Variants in LEF1 observed in about 807,000 individuals in gnomAD.
The protein encoded by LEF1 is lymphoid enhancer-binding factor 1.
In LEF1, 14 loss-of-function variants were observed where a neutral mutation model predicts 51.2. The ratio of observed to expected loss-of-function variants is 0.27; its 90% CI spans 0.18 to 0.43. The LOEUF is 0.43. Among genes scored for constraint, LEF1 ranks in the 20% least tolerant of loss-of-function variants. LEF1 has a pLI of 1.00. For synonymous variants in LEF1, 185 were observed against 183.2 expected (o/e 1.01, Z -0.08); for missense variants, 386 against 512.0 (o/e 0.75, Z 2.37).
chr4:108,096,562 C>T (rs958279089), intron 3 of LEF1, among the ~76,000 whole-genome samples: 2 of 152,156 alleles, frequency 1.3e-5, no homozygotes, highest in African/African-American at 4.8e-5. Context: ...TTTAAAGCTG[C>T]TGCCTTACCA....
At chr4:108,112,023 T>A (rs1244209368) in intron 3 of LEF1, among the ~76,000 whole-genome samples, 1 of 152,196 alleles carries the variant, frequency 6.6e-6, no homozygotes, top group Non-Finnish European at 1.5e-5. Context: ...CCTGCCCTAA[T>A]TCCCCTACAA....
At chr4:108,075,107 G>A (rs1738759565) in intron 8 of LEF1, among the ~76,000 whole-genome samples, 2 of 152,136 alleles carry the variant, frequency 1.3e-5, no homozygotes, top group Admixed American at 6.5e-5. Flanking sequence ...TCTGGCTTGG[G>A]AAAGCATTGT....
Position 108,063,614 on chromosome 4 carries a change from C to T in LEF1, c.*6+9G>A, listed in dbSNP as rs375030469. On this transcript the variant is annotated intron_variant, in intron 11 of 11. Transcript: ENST00000265165. ...AACGTCAGCAGTAGGACCAGAGAGT[C>T]GTTCTTACCATGTTTCAGATGTAGG... 6.7e-5 allele frequency: 106 copies of T among 1,590,240 alleles called. No individual in the cohort carries two copies. The Middle Eastern group carries it at 1.2e-3, about 17-fold the overall frequency.
intron 3 of LEF1, among the ~76,000 whole-genome samples, chr4:108,133,013 G>A (rs1293856077): frequency 2.7e-5 from 4 of 150,902 alleles, no homozygotes; most frequent in South Asian, 4.2e-4. Context: ...TCGCTCTGTC[G>A]CCCAGGCTGG....
intron 3 of LEF1, among the ~76,000 whole-genome samples, chr4:108,098,592 G>C (rs1039640895): frequency 2.0e-5 from 3 of 152,230 alleles, no homozygotes; most frequent in Non-Finnish European, 4.4e-5. Flanking sequence ...AGGTGTGAAG[G>C]ATTTACAGGA....
At position 108,081,573 on chromosome 4, in the gene LEF1, C is replaced by T; in HGVS notation, c.722+13G>A. ...ACTTGTCCTCGAGCGCCCCAGTTTC[C>T]ACCTCCACCTACCTGGACATGGAAG... is the stretch of plus-strand genomic sequence containing the variant. On this transcript the variant is annotated intron_variant, in intron 6 of 11. Coordinates refer to ENST00000265165, the MANE Select transcript of LEF1 (RefSeq NM_016269.5). 6.2e-7 allele frequency: 1 copy of T among 1,612,158 alleles called. No homozygotes were observed. Among genetic ancestry groups the T allele is most frequent in the East Asian group, 2.2e-5 (1 of 44,860 alleles).
intron 3 of LEF1, among the ~76,000 whole-genome samples, chr4:108,132,177 G>A (rs183423517): frequency 9.1e-4 from 139 of 152,238 alleles, no homozygotes; most frequent in Admixed American, 9.8e-4. Flanking sequence ...TAACTAGTCC[G>A]GCTGATAGGA....
intron 3 of LEF1, among the ~76,000 whole-genome samples, chr4:108,143,742 G>A (rs1743820154): frequency 6.6e-6 from 1 of 152,104 alleles, no homozygotes; most frequent in East Asian, 1.9e-4. Context: ...AGAGAACACA[G>A]CACCACTTGC....
chr4:108,050,011 GTAT>G (rs1736875952), intron 11 of LEF1, among the ~76,000 whole-genome samples: 1 of 152,188 alleles, frequency 6.6e-6, no homozygotes, highest in Non-Finnish European at 1.5e-5. Flanking sequence ...AGGTTAGCTA[GTAT>G]TATTATTCCA....
At chr4:108,108,548 T>C (rs1297251295) in intron 3 of LEF1, among the ~76,000 whole-genome samples, 2 of 152,162 alleles carry the variant, frequency 1.3e-5, no homozygotes, top group East Asian at 1.9e-4. Context: ...ATGTGGGAGA[T>C]GTCCAGTGGT....
At chr4:108,062,488 A>G (rs1228131251) in intron 11 of LEF1, among the ~76,000 whole-genome samples, 1 of 152,160 alleles carries the variant, frequency 6.6e-6, no homozygotes, top group East Asian at 1.9e-4. Flanking sequence ...GAGGGGAGGC[A>G]GAGAGCAAGA....
At chr4:108,092,877 G>A (rs1160327048) in intron 3 of LEF1, among the ~76,000 whole-genome samples, 4 of 137,326 alleles carry the variant, frequency 2.9e-5, no homozygotes, top group Admixed American at 2.4e-4. Flanking sequence ...TGGAAGTGGC[G>A]TCAGGCAGCA....
At chr4:108,050,006 A>T (rs1736875180) in intron 11 of LEF1, among the ~76,000 whole-genome samples, 1 of 152,242 alleles carries the variant, frequency 6.6e-6, no homozygotes, top group Non-Finnish European at 1.5e-5. Context: ...CAAGCAGGTT[A>T]GCTAGTATTA....
At chr4:108,143,561 T>A (rs1177123926) in intron 3 of LEF1, among the ~76,000 whole-genome samples, 1 of 152,196 alleles carries the variant, frequency 6.6e-6, no homozygotes, top group Admixed American at 6.5e-5. Flanking sequence ...TCATTAGCCT[T>A]CTCTTGCAAA....
intron 3 of LEF1, among the ~76,000 whole-genome samples, chr4:108,093,809 T>C (rs1245254258): frequency 6.6e-6 from 1 of 152,162 alleles, no homozygotes; most frequent in Non-Finnish European, 1.5e-5. Flanking sequence ...GATGGCTGTT[T>C]AGGGAGAAGC....
chr4:108,099,566 GTGTGTATATATATATATATATATATA>G (rs1740634488), intron 3 of LEF1, among the ~76,000 whole-genome samples: 1 of 72,892 alleles, frequency 1.4e-5, no homozygotes, highest in Non-Finnish European at 2.6e-5. Context: ...ATGTGTGTGT[GTGTGTATATATATATATATATATATA>G]TATATATATA....
chr4:108,049,190 C>T (rs1221863828), intron 11 of LEF1, among the ~76,000 whole-genome samples: 1 of 152,184 alleles, frequency 6.6e-6, no homozygotes, highest in East Asian at 1.9e-4. Context: ...CAGACATAAT[C>T]ACATTACCCA....
intron 3 of LEF1, among the ~76,000 whole-genome samples, chr4:108,136,229 C>A (rs1743254479): frequency 6.6e-6 from 1 of 152,092 alleles, no homozygotes; most frequent in African/African-American, 2.4e-5. Flanking sequence ...CATAAAGAAC[C>A]TGCACCTATA....
At chr4:108,125,871 T>C (rs952180385) in intron 3 of LEF1, among the ~76,000 whole-genome samples, 10 of 152,206 alleles carry the variant, frequency 6.6e-5, no homozygotes, top group Admixed American at 6.5e-4. Context: ...AAAGTAAATG[T>C]TGTTTTACTT....
Sources: gnomAD v4.1 joint callset for allele counts (sites outside exome capture counted in the v4.1 genomes callset) on GRCh38, gnomAD v4.1.1 for gene constraint, MANE v1.5 for transcripts, NCBI Gene and HGNC (gene_info 2026-07-23, HGNC 2026-07-21) for gene names.